Variants in SNX32 observed in about 807,000 individuals in gnomAD.
SNX32 encodes the protein sorting nexin-32.
SNX32 carries 58 observed loss-of-function variants against 57.0 expected under a neutral mutation model. The observed-to-expected ratio is 1.02, with a 90% CI of 0.82 to 1.27. The LOEUF (loss-of-function observed/expected upper bound fraction) is 1.27. Ranked by LOEUF, SNX32 falls within the 50% of genes most tolerant of loss-of-function variation. The pLI is 0.00. For synonymous variants in SNX32, 262 were observed against 220.4 expected (o/e 1.19, Z -1.67); for missense variants, 589 against 541.2 (o/e 1.09, Z -0.88).
In SNX32 at chr11:65,853,457, C is replaced by T; in HGVS notation, c.*122C>T. The T allele has an allele frequency of 1.0e-6, 1 of 990,144 alleles. No homozygotes were observed. The highest frequency in any genetic ancestry group is 1.6e-6 in the Non-Finnish European group (1 of 637,926). 61.3% of individuals were successfully genotyped at this position (990,144 alleles called of 1,614,324 possible). On this transcript the variant is annotated 3_prime_UTR_variant, in exon 13 of 13. Transcript: ENST00000308342. ...GCCACTAGCCACACCCTCACTCTGCCCCACATCCTCTCAGGGAAAGCCCAA... is the reference window on the plus strand; with the variant it reads ...GCCACTAGCCACACCCTCACTCTGCTCCACATCCTCTCAGGGAAAGCCCAA...
At chr11:65,836,596 C>A (rs1318277542) in intron 1 of SNX32, among the ~76,000 whole-genome samples, 1 of 152,168 alleles carries the variant, frequency 6.6e-6, no homozygotes, top group Non-Finnish European at 1.5e-5. Context: ...TATAAAGACA[C>A]ATGCACACGT....
chr11:65,838,803 A>G (rs1014023782), intron 1 of SNX32, among the ~76,000 whole-genome samples: 1 of 152,194 alleles, frequency 6.6e-6, no homozygotes, highest in Non-Finnish European at 1.5e-5. Flanking sequence ...TGTGGAATCA[A>G]AACAAAAACA....
intron 1 of SNX32, among the ~76,000 whole-genome samples, chr11:65,848,400 C>CT (rs1490391572): frequency 6.8e-6 from 1 of 147,152 alleles, no homozygotes; most frequent in Non-Finnish European, 1.5e-5. Flanking sequence ...TAGCAAGACT[C>CT]TGTCTCTAAA....
chr11:65,841,618 C>T (rs1858844005), intron 1 of SNX32, among the ~76,000 whole-genome samples: 1 of 151,860 alleles, frequency 6.6e-6, no homozygotes, highest in Non-Finnish European at 1.5e-5. Flanking sequence ...CCTATAATCC[C>T]AGCTGCTTGG....
rs7940450 is a variant in SNX32 at position 65,843,177 on chromosome 11, C to T, written c.37-6301C>T. Among the ~76,000 whole-genome samples, 540 of 144,186 alleles carry T rather than the reference C, an allele frequency of 3.7e-3. 7 individuals carry two copies. Among genetic ancestry groups the T allele is most frequent in the African/African-American group, 0.013 (490 of 38,698 alleles). The allele number at this position is 144,186 out of a possible 152,430, so 94.6% of individuals were successfully genotyped here. On this transcript the variant is annotated intron_variant, in intron 1 of 12. Transcript: ENST00000308342. ...TGGAGCTTGCAGTGAGCCGAGATTG[C>T]GCCAGTGCACTCCAGCCTGGGCGAC...
chr11:65,847,892 A>G (rs907816103), intron 1 of SNX32, among the ~76,000 whole-genome samples: 17 of 151,970 alleles, frequency 1.1e-4, no homozygotes, highest in African/African-American at 3.9e-4. Flanking sequence ...CCTGGGTGAC[A>G]GAGCAAGATG....
Position 65,852,688 on chromosome 11 carries a change from T to A in SNX32, c.971T>A (p.Leu324Gln), listed in dbSNP as rs764773365. ...GACTACGAGAATGCCAACAAGGCGC[T>A]GGACAAGGCGCGCACCAGGAACCGG... ...LADYENANKALDKARTRNREV... is the reference protein window; with the variant it reads ...LADYENANKAQDKARTRNREV... Residue 324 changes from leucine to glutamine, a missense_variant, in exon 11 of 13, where the codon CTG (leucine) becomes CAG (glutamine). Transcript: ENST00000308342. 1 of 1,597,304 alleles carries A rather than the reference T, an allele frequency of 6.3e-7. No individual in the cohort carries two copies.
In SNX32 at chr11:65,852,925, T is replaced by A; in HGVS notation, c.1125T>A (p.Ile375=). 1 of 1,614,090 alleles carries A rather than the reference T, an allele frequency of 6.2e-7. No individual in the cohort carries two copies. The highest frequency in any genetic ancestry group is 8.5e-7 in the Non-Finnish European group (1 of 1,179,980). Residue 375 remains isoleucine, a synonymous_variant, in exon 12 of 13, where the codon ATT becomes ATA. Transcript: ENST00000308342. ...RRVSSFRKNL[I]ELAELELKHA... ...TCTCCTCTTTTCGAAAGAATCTCATTGAGCTGGCAGAGCTGGAGCTCAAAC... is the reference window on the plus strand; with the variant it reads ...TCTCCTCTTTTCGAAAGAATCTCATAGAGCTGGCAGAGCTGGAGCTCAAAC...
intron 1 of SNX32, among the ~76,000 whole-genome samples, chr11:65,837,817 CAAAA>C (rs774242704): frequency 2.8e-5 from 2 of 71,428 alleles, no homozygotes; most frequent in South Asian, 5.8e-4. Context: ...AAGACTCTCT[CAAAA>C]AAAAAAAAAA....
Position 65,850,486 on chromosome 11 carries a change from C to T in SNX32, c.430C>T (p.Arg144Cys), listed in dbSNP as rs772114232. ...TVAMHEVFLQ[R>C]LAAHPTLRRD... Reference sequence around the variant, plus strand: ...TGCGATGCACGAAGTCTTTCTGCAGCGCCTGGCGGCCCACCCCACCCTGCG... The same window carrying T: ...TGCGATGCACGAAGTCTTTCTGCAGTGCCTGGCGGCCCACCCCACCCTGCG... Residue 144 changes from arginine to cysteine, a missense_variant, in exon 5 of 13, where the codon CGC becomes TGC. Transcript: ENST00000308342. The T allele has an allele frequency of 1.1e-5, 18 of 1,613,996 alleles. No homozygotes were observed. The highest frequency in any genetic ancestry group is 1.1e-4 in the East Asian group (5 of 44,892).
At chr11:65,843,231 A>AAG (rs1858898568) in intron 1 of SNX32, among the ~76,000 whole-genome samples, 1 of 144,658 alleles carries the variant, frequency 6.9e-6, no homozygotes, top group African/African-American at 2.6e-5. Context: ...AAAAAAAAAA[A>AAG]AAAAAGAAAA....
Position 65,850,027 on chromosome 11 carries a change from C to T in SNX32, c.249C>T (p.Leu83=). ...AYVENEEYAG[L]IIPPAPPRPD... The stretch of plus-strand genomic sequence containing the variant: ...TGGAGAATGAGGAGTACGCCGGCCT[C>T]ATCGTGAGGAGGGGCTGGGCAGGGG... The change falls in exon 3 of 13, where the codon CTC becomes CTT. Residue 83 remains leucine (L), a synonymous_variant. Coordinates refer to ENST00000308342, the MANE Select transcript of SNX32 (RefSeq NM_152760.3). 1.2e-6 allele frequency: 2 copies of T among 1,614,128 alleles called. No individual in the cohort carries two copies. The highest frequency in any genetic ancestry group is 1.7e-6 in the Non-Finnish European group (2 of 1,179,978).
At chr11:65,840,912 A>G (rs1281233404) in intron 1 of SNX32, among the ~76,000 whole-genome samples, 1 of 151,892 alleles carries the variant, frequency 6.6e-6, no homozygotes, top group East Asian at 1.9e-4. Context: ...CAAGGTAAAT[A>G]TATAAAAATC....
chr11:65,853,151 A>G, intron 12 of SNX32, 131 bp from the exon 13 acceptor site: 2 of 1,396,808 alleles, frequency 1.4e-6, no homozygotes, highest in Non-Finnish European at 2.0e-6. Context: ...CTGGGTAGGA[A>G]GGCCCAATTA....
At chr11:65,834,743 T>C (rs1300106340) in intron 1 of SNX32, among the ~76,000 whole-genome samples, 1 of 151,030 alleles carries the variant, frequency 6.6e-6, no homozygotes, top group Non-Finnish European at 1.5e-5. Flanking sequence ...TGTCTGTCTC[T>C]GTGTCTATGT....
chr11:65,851,049 C>T lies in SNX32; in HGVS notation c.604-6C>T. ...GTGTAAATGGGGTCCTGCCTGGCTCCCTTAGGAGGTGGATGACTTCTTTGA... is the reference window on the plus strand; with the variant it reads ...GTGTAAATGGGGTCCTGCCTGGCTCTCTTAGGAGGTGGATGACTTCTTTGA... On this transcript the variant is annotated splice_polypyrimidine_tract_variant and splice_region_variant and intron_variant, in intron 6 of 12. Coordinates refer to ENST00000308342, the MANE Select transcript of SNX32 (RefSeq NM_152760.3). 6.2e-7 allele frequency: 1 copy of T among 1,612,724 alleles called. No individual in the cohort carries two copies. The highest frequency in any genetic ancestry group is 8.5e-7 in the Non-Finnish European group (1 of 1,178,738).
rs1168882508 is a variant in SNX32 at position 65,839,225 on chromosome 11, A to ATTTTTTTTTTTTTTTTTTTTTTTTT, written c.36+5146_36+5147insTTTTTTTTTTTTTTTTTTTTTTTTT. Among the ~76,000 whole-genome samples, 44 of 27,638 alleles carry ATTTTTTTTTTTTTTTTTTTTTTTTT rather than the reference A, an allele frequency of 1.6e-3. 10 individuals carry two copies. The highest frequency in any genetic ancestry group is 6.0e-3 in the East Asian group (4 of 668). 18.1% of individuals were successfully genotyped at this position (27,638 alleles called of 152,430 possible). Reference sequence around the variant, plus strand: ...CACCACGCCCAGCTAATTTTTTTGTATTTTTTTTTTTTTTTTTTTTTTGAG... The same window carrying ATTTTTTTTTTTTTTTTTTTTTTTTT: ...CACCACGCCCAGCTAATTTTTTTGTATTTTTTTTTTTTTTTTTTTTTTTTTTTTTTTTTTTTTTTTTTTTTTTGAG... On this transcript the variant is annotated intron_variant, in intron 1 of 12. Transcript: ENST00000308342.
At chr11:65,845,271 C>G (rs748201343) in intron 1 of SNX32, among the ~76,000 whole-genome samples, 21 of 151,102 alleles carry the variant, frequency 1.4e-4, no homozygotes, top group Non-Finnish European at 2.7e-4. Context: ...AACCCCGTCT[C>G]TACTAAAAAA....
chr11:65,836,059 G>A (rs184601089), intron 1 of SNX32, among the ~76,000 whole-genome samples: 214 of 152,170 alleles, frequency 1.4e-3, no homozygotes, highest in Middle Eastern at 6.8e-3. Flanking sequence ...TTTGCTGTAT[G>A]TTCTGAGGAT....
Sources: gnomAD v4.1 joint callset for allele counts (sites outside exome capture counted in the v4.1 genomes callset) on GRCh38, gnomAD v4.1.1 for gene constraint, MANE v1.5 for transcripts, NCBI Gene and HGNC (gene_info 2026-07-23, HGNC 2026-07-21) for gene names.